Variants in TMPRSS2 observed in about 807,000 individuals in gnomAD.
TMPRSS2 encodes transmembrane serine protease 2, also known as transmembrane protease serine 2.
Under a neutral mutation model 67.4 loss-of-function variants are expected in TMPRSS2, and 59 were observed. The observed-to-expected ratio is 0.88, with a 90% confidence interval of 0.71 to 1.09. The LOEUF is 1.09. Ranked by LOEUF, TMPRSS2 falls within the 50% of genes least tolerant of loss-of-function variation. The probability of loss-of-function intolerance (pLI) is 0.00; values close to 1 mark genes in which losing one functional copy is unlikely to be tolerated. For synonymous variants in TMPRSS2, 257 were observed against 257.0 expected (o/e 1.00, Z 0.00); for missense variants, 668 against 642.7 (o/e 1.04, Z -0.43).
At chr21:41,508,048 C>A in intron 1 of TMPRSS2, 33 bp downstream of exon 1, 1 of 1,297,902 alleles carries the variant, frequency 7.7e-7, no homozygotes, top group Non-Finnish European at 9.8e-7. Context: ...AGCCCGGACC[C>A]CGAGCCGGGA....
chr21:41,469,560 A>T (rs2091113314), intron 11 of TMPRSS2, among the ~76,000 whole-genome samples: 1 of 152,082 alleles, frequency 6.6e-6, no homozygotes, highest in African/African-American at 2.4e-5. Context: ...TACATGCACT[A>T]GCCTTTTTGA....
At chr21:41,468,595 A>G (rs1035278381) in intron 11 of TMPRSS2, 57 bp from the exon 12 acceptor site, 75 of 1,592,396 alleles carry the variant, frequency 4.7e-5, no homozygotes, top group Non-Finnish European at 9.4e-6. Context: ...TCGCAGGGAG[A>G]GCACACTTCC....
rs542031508 is a variant in TMPRSS2, at chr21:41,473,577, T to C, written c.728-81A>G. The C allele has an allele frequency of 9.8e-5, 142 of 1,443,540 alleles. No individual in the cohort carries two copies. In the East Asian group the frequency reaches 1.5e-3, roughly 15 times the overall value. The allele number at this position is 1,443,540 out of a possible 1,614,324, so 89.4% of individuals were successfully genotyped here. The stretch of plus-strand genomic sequence containing the variant: ...ACCCAGCGCCCGCCCCTCCCAAGGG[T>C]CTCCCAGGCTGCAAGGACAGGGCAG... On this transcript the variant is annotated intron_variant, in intron 8 of 13. Coordinates refer to ENST00000332149, the MANE Select transcript of TMPRSS2 (RefSeq NM_005656.4).
At chr21:41,480,022 AG>A (rs2091244345) in intron 6 of TMPRSS2, among the ~76,000 whole-genome samples, 1 of 152,068 alleles carries the variant, frequency 6.6e-6, no homozygotes, top group South Asian at 2.1e-4. Flanking sequence ...CCAGCTCAAA[AG>A]GCTTCCATGG....
At chr21:41,488,890 C>T (rs2091316344) in intron 4 of TMPRSS2, among the ~76,000 whole-genome samples, 3 of 152,232 alleles carry the variant, frequency 2.0e-5, no homozygotes, top group African/African-American at 7.2e-5. Flanking sequence ...GTCCACCTGC[C>T]TTGGCCTCTT....
rs534591508 is a variant in TMPRSS2 at position 41,471,781 on chromosome 21, C to T, written c.1075+25G>A. ...ATCTCTTTAAGATTCTGCCAACCTGCTTGCCAAGCCTGAGCCACACGTACC... is the reference window on the plus strand; with the variant it reads ...ATCTCTTTAAGATTCTGCCAACCTGTTTGCCAAGCCTGAGCCACACGTACC... On this transcript the variant is annotated intron_variant, in intron 10 of 13. Transcript: ENST00000332149. 1.2e-5 allele frequency: 18 copies of T among 1,564,294 alleles called. No homozygotes were observed. In the South Asian group the frequency reaches 1.8e-4, roughly 15 times the overall value.
In TMPRSS2 at chr21:41,478,838, C is replaced by G. The variant is rs559698510; in HGVS notation, c.683+334G>C. On this transcript the variant is annotated intron_variant, in intron 7 of 13. Coordinates refer to ENST00000332149, the MANE Select transcript of TMPRSS2 (RefSeq NM_005656.4). The surrounding 1 kb of genome is among the most constrained non-coding windows in gnomAD (Gnocchi z 4.0). ...ACATTATCTTGGATTCCTAGAACCACGCCCTGACAAAATAGGTACACCTCT... is the reference window on the plus strand; with the variant it reads ...ACATTATCTTGGATTCCTAGAACCAGGCCCTGACAAAATAGGTACACCTCT... Among the ~76,000 whole-genome samples the G allele has an allele frequency of 6.6e-6, 1 of 152,192 alleles. No individual in the cohort carries two copies. The highest frequency in any genetic ancestry group is 2.4e-5 in the African/African-American group (1 of 41,460).
chr21:41,468,929 T>A (rs1428240023), intron 11 of TMPRSS2: 2 of 192,068 alleles, frequency 1.0e-5, no homozygotes, highest in African/African-American at 2.3e-5. Context: ...ATGCACACAC[T>A]CTTCTGGAGC....
chr21:41,484,925 C>T (rs1025341500), intron 5 of TMPRSS2, among the ~76,000 whole-genome samples: 1 of 152,112 alleles, frequency 6.6e-6, no homozygotes, highest in Non-Finnish European at 1.5e-5. Context: ...GCAGGAGAGT[C>T]AACTGGCTAG....
intron 10 of TMPRSS2, 87 bp from the exon 11 acceptor site, chr21:41,470,830 G>C: frequency 9.1e-7 from 1 of 1,100,026 alleles, no homozygotes; most frequent in South Asian, 1.5e-5. Flanking sequence ...TGCTGGGCCT[G>C]GCACCCTGGC....
At chr21:41,477,634 G>A (rs2091224839) in intron 7 of TMPRSS2, among the ~76,000 whole-genome samples, 1 of 152,038 alleles carries the variant, frequency 6.6e-6, no homozygotes, top group African/African-American at 2.4e-5. Context: ...CACCCCCCGG[G>A]TTCTCAGTGA....
At position 41,465,092 on chromosome 21, in the gene TMPRSS2, G is replaced by A. The variant is rs1428368373; in HGVS notation, c.*1050C>T. 2 of 233,540 alleles carry A rather than the reference G, an allele frequency of 8.6e-6. No homozygotes were observed. Among genetic ancestry groups the A allele is most frequent in the African/African-American group, 2.2e-5 (1 of 45,340 alleles). The allele number at this position is 233,540 out of a possible 1,614,324, so 14.5% of individuals were successfully genotyped here. ...ATTCATTTATAGAACGTTAAGTCAG[G>A]AGCCAGTCATTTTGTCAAAGCAGCT... is the stretch of plus-strand genomic sequence containing the variant. On this transcript the variant is annotated 3_prime_UTR_variant, in exon 14 of 14. Coordinates refer to ENST00000332149, the MANE Select transcript of TMPRSS2 (RefSeq NM_005656.4).
In TMPRSS2 at chr21:41,488,502, A is replaced by G. The variant is rs1024689348; in HGVS notation, c.337T>C (p.Cys113Arg). Residue 113 changes from cysteine (C) to arginine (R), a missense_variant, in exon 5 of 14, where the codon TGC (cysteine) becomes CGC (arginine). Transcript: ENST00000332149. The stretch of plus-strand genomic sequence containing the variant: ...TCGCACTCTATCCCAGAGTTGGAGC[A>G]CTTGCTGCCCACTTGCAGAGAAAAC... ...GLLWKFMGSK[C>R]SNSGIECDSS... The G allele has an allele frequency of 6.2e-7, 1 of 1,612,936 alleles. No homozygotes were observed. The highest frequency in any genetic ancestry group is 8.5e-7 in the Non-Finnish European group (1 of 1,179,204).
rs538252674 is a variant in TMPRSS2, at chr21:41,465,891, A to C, written c.*251T>G. On this transcript the variant is annotated 3_prime_UTR_variant, in exon 14 of 14. Coordinates refer to ENST00000332149, the MANE Select transcript of TMPRSS2 (RefSeq NM_005656.4). ...GGCAGCCTCCACCCCTCTCCTCCAC[A>C]CTTGACCGCCAGTGCCCACAACCAG... 11 of 577,702 alleles carry C rather than the reference A, an allele frequency of 1.9e-5. No individual in the cohort carries two copies. 35.8% of individuals were successfully genotyped at this position (577,702 alleles called of 1,614,324 possible).
intron 11 of TMPRSS2, 34 bp from the exon 12 acceptor site, chr21:41,468,572 T>G: frequency 6.2e-7 from 1 of 1,611,706 alleles, no homozygotes; most frequent in Non-Finnish European, 8.5e-7. Flanking sequence ...GCTCCCAGTG[T>G]TGCCTGCAGC....
Position 41,508,087 on chromosome 21 carries a change from C to G in TMPRSS2, c.-63G>C, listed in dbSNP as rs903824415. On this transcript the variant is annotated 5_prime_UTR_variant, in exon 1 of 14. Coordinates refer to ENST00000332149, the MANE Select transcript of TMPRSS2 (RefSeq NM_005656.4). ...TGGTACCGGCGCCGCTCACCTGCCG[C>G]GCTCCAGGCGGCGCTCCCCGCCCCT... 54 of 1,255,458 alleles carry G rather than the reference C, an allele frequency of 4.3e-5. 5 individuals carry two copies. The highest frequency in any genetic ancestry group is 4.2e-4 in the Admixed American group (10 of 23,646). The allele number at this position is 1,255,458 out of a possible 1,614,324, so 77.8% of individuals were successfully genotyped here. A position where few individuals can be genotyped will look rare whatever the true frequency, so the allele number is the denominator to read the frequency against.
Position 41,465,849 on chromosome 21 carries a change from C to A in TMPRSS2, c.*293G>T. ...AAATTGGCCCCTGGAAAGGACTCAGCAGGAAGATCTCAATGGGGCAGCCTC... is the reference window on the plus strand; with the variant it reads ...AAATTGGCCCCTGGAAAGGACTCAGAAGGAAGATCTCAATGGGGCAGCCTC... On this transcript the variant is annotated 3_prime_UTR_variant, in exon 14 of 14. Coordinates refer to ENST00000332149, the MANE Select transcript of TMPRSS2 (RefSeq NM_005656.4). The A allele has an allele frequency of 2.2e-6, 1 of 461,628 alleles. No individual in the cohort carries two copies. Among genetic ancestry groups the A allele is most frequent in the Non-Finnish European group, 3.9e-6 (1 of 259,048 alleles). 28.6% of individuals were successfully genotyped at this position (461,628 alleles called of 1,614,324 possible). A position where few individuals can be genotyped will look rare whatever the true frequency, so the allele number is the denominator to read the frequency against.
intron 1 of TMPRSS2, among the ~76,000 whole-genome samples, chr21:41,503,945 C>T (rs1042294414): frequency 1.3e-5 from 2 of 152,206 alleles, no homozygotes; most frequent in Admixed American, 6.5e-5. Flanking sequence ...CTGGGCTATA[C>T]TGCAGTGGGG....
At chr21:41,500,774 G>T (rs981754049) in intron 1 of TMPRSS2, among the ~76,000 whole-genome samples, 1 of 152,212 alleles carries the variant, frequency 6.6e-6, no homozygotes, top group Non-Finnish European at 1.5e-5. Context: ...TATCAAAAAC[G>T]TTTAAGCCTT....
Sources: allele counts gnomAD v4.1 joint callset (sites outside exome capture counted in the v4.1 genomes callset), GRCh38; gene constraint gnomAD v4.1.1; non-coding constraint Gnocchi (gnomAD v3.1); transcripts MANE v1.5; gene names NCBI Gene and HGNC (gene_info 2026-07-23, HGNC 2026-07-21).